TCF3: variants seen among roughly 807,000 people sequenced by gnomAD.
TCF3 encodes the protein transcription factor E2-alpha.
TCF3 carries 54 observed loss-of-function variants against 72.3 expected under a neutral mutation model. The observed-to-expected ratio is 0.75, with a 90% CI of 0.60 to 0.94. The LOEUF (loss-of-function observed/expected upper bound fraction) is 0.94, where lower values mean the gene tolerates loss of function less well. Ranked by LOEUF, TCF3 falls within the 40% of genes least tolerant of loss-of-function variation. The probability of loss-of-function intolerance (pLI) is 0.00; values close to 1 mark genes in which losing one functional copy is unlikely to be tolerated. For missense variants in TCF3, 1,078 were observed against 934.4 expected (o/e 1.15, Z -2.00); for synonymous variants, 525 against 412.6 (o/e 1.27, Z -3.30).
rs916947649 is a variant in TCF3 at position 1,630,994 on chromosome 19, C to T, written c.298+1044G>A. 7.2e-5 allele frequency among the ~76,000 whole-genome samples: 11 copies of T among 152,240 alleles called. No individual in the cohort carries two copies. The East Asian group carries it at 9.6e-4, about 13-fold the overall frequency. On this transcript the variant is annotated intron_variant, in intron 5 of 18. Transcript: ENST00000262965. ...GGCGTCCCAGTCAGCCCCACCCAGC[C>T]GCAGACCCCCGGCCAGGGTGCCCTT...
chr19:1,638,584 G>T (rs530735451), intron 3 of TCF3, among the ~76,000 whole-genome samples: 1 of 152,154 alleles, frequency 6.6e-6, no homozygotes, highest in Non-Finnish European at 1.5e-5. Context: ...ATACCAGCAG[G>T]GAAGAGAAAT....
chr19:1,611,983 G>T, intron 18 of TCF3, 134 bp from the exon 19 acceptor site: 1 of 760,454 alleles, frequency 1.3e-6, no homozygotes, highest in Non-Finnish European at 2.1e-6. Flanking sequence ...TGTATTTCCG[G>T]CTCTCACCTC....
chr19:1,622,141 G>A lies in TCF3; in HGVS notation c.735C>T (p.Ser245=), dbSNP rs373823321. 5.0e-6 allele frequency: 8 copies of A among 1,587,410 alleles called. No homozygotes were observed. The Admixed American group carries it at 8.8e-5, about 18-fold the overall frequency. The change falls in exon 10 of 19, where the codon TCC becomes TCT. Residue 245 remains serine (S), a synonymous_variant. Transcript: ENST00000262965. Reference sequence around the variant, plus strand: ...CGCTACCGGGCGGGAGGGGCAGCGGGGATGAGCCCCCACCCAGCATGGGCC... The same window carrying A: ...CGCTACCGGGCGGGAGGGGCAGCGGAGATGAGCCCCCACCCAGCATGGGCC... The part of the protein sequence containing the change: ...GFGPMLGGGS[S]PLPLPPGSGP...
At chr19:1,616,991 G>A (rs569649218) in intron 16 of TCF3, among the ~76,000 whole-genome samples, 7 of 152,152 alleles carry the variant, frequency 4.6e-5, no homozygotes, top group Non-Finnish European at 8.8e-5. Flanking sequence ...ATCCAAAAAG[G>A]CATCTCACAG....
rs1233285161 is a variant in TCF3, at chr19:1,652,552, T to A, written c.-292A>T. The A allele has an allele frequency of 7.0e-6, 1 of 142,822 alleles. No homozygotes were observed. Among genetic ancestry groups the A allele is most frequent in the African/African-American group, 2.5e-5 (1 of 39,264 alleles). 8.8% of individuals were successfully genotyped at this position (142,822 alleles called of 1,614,324 possible). On this transcript the variant is annotated 5_prime_UTR_variant, in exon 1 of 19. Coordinates refer to ENST00000262965, the MANE Select transcript of TCF3 (RefSeq NM_003200.5). ...CCGCGGTGCCCGCCGCCGCGTCGGC[T>A]CCGGCCCGCTACGCCCGCAGCCGCC...
rs147970963 is a variant in TCF3 at position 1,622,478 on chromosome 19, C to A, written c.550-63G>T. On this transcript the variant is annotated intron_variant, in intron 8 of 18. Transcript: ENST00000262965. ...GGAGGGACCACGATCAGCCCATGCA[C>A]CTTGCCGGCCTCCTGTCCCCTCCTG... The A allele has an allele frequency of 1.0e-3, 954 of 918,500 alleles. 7 individuals carry two copies. In the African/African-American group the frequency reaches 0.013, roughly 12 times the overall value. 56.9% of individuals were successfully genotyped at this position (918,500 alleles called of 1,614,324 possible). A position where few individuals can be genotyped will look rare whatever the true frequency, so the allele number is the denominator to read the frequency against.
intron 3 of TCF3, among the ~76,000 whole-genome samples, chr19:1,642,172 G>A (rs187093989): frequency 6.9e-5 from 10 of 144,786 alleles, no homozygotes; most frequent in East Asian, 6.2e-4. Context: ...ACACGCACGC[G>A]TACACACACG....
chr19:1,613,964 G>A (rs899001927), intron 18 of TCF3, among the ~76,000 whole-genome samples: 7 of 152,258 alleles, frequency 4.6e-5, no homozygotes, highest in African/African-American at 1.4e-4. Flanking sequence ...GCTGGCGAGC[G>A]GGCACTGTTG....
chr19:1,633,462 G>T (rs768019535), intron 3 of TCF3, among the ~76,000 whole-genome samples: 8 of 145,620 alleles, frequency 5.5e-5, no homozygotes, highest in African/African-American at 2.0e-4. Flanking sequence ...CCCCCGCCCC[G>T]CCCCCTGCCC....
intron 3 of TCF3, among the ~76,000 whole-genome samples, chr19:1,633,406 G>C (rs910069635): frequency 1.3e-5 from 2 of 152,118 alleles, no homozygotes; most frequent in Non-Finnish European, 2.9e-5. Flanking sequence ...ACCCAGCCCA[G>C]TGCTGATGTC....
At position 1,614,222 on chromosome 19, in the gene TCF3, G is replaced by A. The variant is rs1302015260; in HGVS notation, c.1822+1063C>T. Among the ~76,000 whole-genome samples the A allele has an allele frequency of 6.6e-6, 1 of 152,238 alleles. No individual in the cohort carries two copies. The highest frequency in any genetic ancestry group is 6.5e-5 in the Admixed American group (1 of 15,290). On this transcript the variant is annotated intron_variant, in intron 18 of 18. Coordinates refer to ENST00000262965, the MANE Select transcript of TCF3 (RefSeq NM_003200.5). This position sits in a 1 kb window ranked among gnomAD's most constrained non-coding sequence, Gnocchi z 5.6. ...CCACTTGCCTGCCCACCCTGCCTTAGGGGCCTGAGGGGATCCCTCCAGGTG... is the reference window on the plus strand; with the variant it reads ...CCACTTGCCTGCCCACCCTGCCTTAAGGGCCTGAGGGGATCCCTCCAGGTG...
At chr19:1,644,358 G>A (rs1466047996) in intron 3 of TCF3, among the ~76,000 whole-genome samples, 3 of 150,788 alleles carry the variant, frequency 2.0e-5, no homozygotes, top group Non-Finnish European at 3.0e-5. Flanking sequence ...CACCACCCCC[G>A]GGCTCAGGCG....
At position 1,615,570 on chromosome 19, in the gene TCF3, G is replaced by A. The variant is rs199775519; in HGVS notation, c.1587-50C>T. ...GCCAGAGGGAGACAGTGAGGTTGGG[G>A]GAAGAGCGTGGGGCCCGCCGACGGC... On this transcript the variant is annotated intron_variant, in intron 17 of 18. Coordinates refer to ENST00000262965, the MANE Select transcript of TCF3 (RefSeq NM_003200.5). This position sits in a 1 kb window ranked among gnomAD's most constrained non-coding sequence, Gnocchi z 7.3. The A allele has an allele frequency of 3.1e-5, 50 of 1,604,884 alleles. No homozygotes were observed. The African/African-American group carries it at 4.7e-4, about 15-fold the overall frequency.
At chr19:1,627,741 GGGGTGGGGC>G (rs1568408368) in intron 5 of TCF3, among the ~76,000 whole-genome samples, 3 of 152,110 alleles carry the variant, frequency 2.0e-5, no homozygotes, top group African/African-American at 7.2e-5. Context: ...CCCTGCCCAG[GGGGTGGGGC>G]GGAAAGGGGA....
At chr19:1,637,509 A>C (rs2064601790) in intron 3 of TCF3, among the ~76,000 whole-genome samples, 2 of 152,182 alleles carry the variant, frequency 1.3e-5, no homozygotes, top group Admixed American at 6.5e-5. Flanking sequence ...TTCAGTGACC[A>C]CAGAGATAAC....
intron 7 of TCF3, 137 bp from the exon 8 acceptor site, chr19:1,624,137 C>T: frequency 2.6e-6 from 2 of 765,916 alleles, no homozygotes; most frequent in South Asian, 3.5e-5. Flanking sequence ...GTGCCTCATG[C>T]CTGTAATACC....
In TCF3 at chr19:1,619,554, A is replaced by AC. The variant is rs2061924693; in HGVS notation, c.1168-81_1168-80insG. ...CTCCATTCATGTCCCTTCCGCATGC[A>AC]AGTGGCCGGTGGTCCCATCTTCCCC... On this transcript the variant is annotated intron_variant, in intron 14 of 18. Coordinates refer to ENST00000262965, the MANE Select transcript of TCF3 (RefSeq NM_003200.5). 2.7e-6 allele frequency: 4 copies of AC among 1,494,660 alleles called. No homozygotes were observed. In the South Asian group the frequency reaches 5.3e-5, roughly 20 times the overall value. 92.6% of individuals were successfully genotyped at this position (1,494,660 alleles called of 1,614,324 possible). A position where few individuals can be genotyped will look rare whatever the true frequency, so the allele number is the denominator to read the frequency against.
At chr19:1,619,885 G>C in intron 13 of TCF3, 32 bp from the exon 14 acceptor site, 1 of 1,533,872 alleles carries the variant, frequency 6.5e-7, no homozygotes, top group Non-Finnish European at 8.8e-7. Context: ...AATGGGGTGC[G>C]AGGGGCGGGG....
rs1440095562 is a variant in TCF3, at chr19:1,622,534, C to G, written c.550-119G>C. On this transcript the variant is annotated intron_variant, in intron 8 of 18. Transcript: ENST00000262965. ...ACATCTACCACCCCGTTTCCCTTCC[C>G]TGTAAAGCCACCCCCCTTTAGGTAA... 4 of 560,496 alleles carry G rather than the reference C, an allele frequency of 7.1e-6. No homozygotes were observed. The African/African-American group carries it at 7.8e-5, about 11-fold the overall frequency. 34.7% of individuals were successfully genotyped at this position (560,496 alleles called of 1,614,324 possible).
Sources: gnomAD v4.1 joint callset for allele counts (sites outside exome capture counted in the v4.1 genomes callset) on GRCh38, gnomAD v4.1.1 for gene constraint, Gnocchi (gnomAD v3.1) non-coding constraint, MANE v1.5 for transcripts, NCBI Gene and HGNC (gene_info 2026-07-23, HGNC 2026-07-21) for gene names.